Variants in RBM43 observed in about 807,000 individuals in gnomAD.
The protein encoded by RBM43 is RNA binding motif protein 43, also known as RNA-binding protein 43.
A neutral mutation model predicts 12.4 loss-of-function variants in RBM43; 12 were observed. That is an observed-to-expected ratio of 0.97 (90% CI 0.62 to 1.57). RBM43 has a LOEUF of 1.57. Among genes scored for constraint, RBM43 ranks in the 40% most tolerant of loss-of-function variants. The pLI is 0.00. For missense variants in RBM43, 348 were observed against 400.1 expected, an observed-to-expected ratio of 0.87 and a Z score of 1.11; for synonymous variants, 138 against 145.7, an observed-to-expected ratio of 0.95 and a Z score of 0.38.
In RBM43 at chr2:151,250,540, A is replaced by C. The variant is rs1471261594; in HGVS notation, c.*366T>G. The C allele has an allele frequency of 6.6e-6, 1 of 151,376 alleles. No individual in the cohort carries two copies. The highest frequency in any genetic ancestry group is 1.4e-5 in the Non-Finnish European group (1 of 71,080). The allele number at this position is 151,376 out of a possible 1,614,324, so 9.4% of individuals were successfully genotyped here. A position where few individuals can be genotyped will look rare whatever the true frequency, so the allele number is the denominator to read the frequency against. On this transcript the variant is annotated 3_prime_UTR_variant, in exon 4 of 4. Transcript: ENST00000331426. Reference sequence around the variant, plus strand: ...TGTGAACCCAGGAGGTGGACGTTGCAGTGAGCCGAGATCACGCCACTGCAC... The same window carrying C: ...TGTGAACCCAGGAGGTGGACGTTGCCGTGAGCCGAGATCACGCCACTGCAC...
intron 2 of RBM43, 52 bp from the exon 3 acceptor site, chr2:151,252,907 T>A: frequency 1.2e-6 from 1 of 834,142 alleles, no homozygotes. Context: ...ACACTAATAA[T>A]TTTTTAATAA....
chr2:151,257,969 T>C (rs1427554594), intron 1 of RBM43, among the ~76,000 whole-genome samples: 1 of 151,826 alleles, frequency 6.6e-6, no homozygotes, highest in Non-Finnish European at 1.5e-5. Context: ...CTCAGGAGGC[T>C]GAGGCAAGAG....
At chr2:151,256,410 T>C (rs1478385490) in intron 1 of RBM43, among the ~76,000 whole-genome samples, 1 of 152,202 alleles carries the variant, frequency 6.6e-6, no homozygotes, top group African/African-American at 2.4e-5. Context: ...CCACAAAATA[T>C]GGTATTTGGA....
chr2:151,251,432 T>C lies in RBM43; in HGVS notation c.548A>G (p.Glu183Gly). Residue 183 changes from glutamate to glycine, a missense_variant, in exon 4 of 4, where the codon GAG (glutamate) becomes GGG (glycine). Transcript: ENST00000331426. ...LLEKDRNFTS[E>G]ERKWNRQNPQ... Reference sequence around the variant, plus strand: ...ATTTTGTCTATTCCACTTTCTCTCCTCACTGGTAAAATTTCTGTCTTTTTC... The same window carrying C: ...ATTTTGTCTATTCCACTTTCTCTCCCCACTGGTAAAATTTCTGTCTTTTTC... 5.0e-6 allele frequency: 8 copies of C among 1,614,226 alleles called. No individual in the cohort carries two copies. The South Asian group carries it at 8.8e-5, about 18-fold the overall frequency.
Position 151,250,902 on chromosome 2 carries a change from T to A in RBM43, c.*4A>T. ...GCCCTTATGACTATATTGCTGAGAT[T>A]TTATTAACTAACCTTTTGCCCTATT... is the stretch of plus-strand genomic sequence containing the variant. On this transcript the variant is annotated 3_prime_UTR_variant, in exon 4 of 4. Transcript: ENST00000331426. 6.3e-7 allele frequency: 1 copy of A among 1,578,266 alleles called. No homozygotes were observed. Among genetic ancestry groups the A allele is most frequent in the Middle Eastern group, 2.0e-4 (1 of 4,996 alleles).
Position 151,250,923 on chromosome 2 carries a change from C to T in RBM43, c.1057G>A (p.Gly353Arg). 1 of 1,595,224 alleles carries T rather than the reference C, an allele frequency of 6.3e-7. No homozygotes were observed. The highest frequency in any genetic ancestry group is 1.1e-5 in the South Asian group (1 of 88,058). ...AGATTTTATTAACTAACCTTTTGCC[C>T]TATTAATTTCATGACCCCTTTTTTA... ...LFKKGVMKLI[G>R]QKVS Residue 353 changes from glycine to arginine, a missense_variant, in exon 4 of 4, where the codon GGG becomes AGG. Physicochemically the swap from Gly to Arg is moderately radical, Grantham distance 125. Coordinates refer to ENST00000331426, the MANE Select transcript of RBM43 (RefSeq NM_198557.3).
chr2:151,255,307 A>G (rs1228073143), intron 2 of RBM43, among the ~76,000 whole-genome samples: 1 of 151,818 alleles, frequency 6.6e-6, no homozygotes, highest in Non-Finnish European at 1.5e-5. Context: ...AATCCCAGCT[A>G]TTCAGGAGGC....
intron 1 of RBM43, among the ~76,000 whole-genome samples, chr2:151,259,638 CA>C (rs1309161560): frequency 2.0e-5 from 3 of 148,262 alleles, no homozygotes; most frequent in Non-Finnish European, 1.5e-5. Context: ...GACTCTGTCT[CA>C]AAAAAAATAA....
chr2:151,253,246 T>C (rs1682929518), intron 2 of RBM43, among the ~76,000 whole-genome samples: 1 of 152,180 alleles, frequency 6.6e-6, no homozygotes, highest in South Asian at 2.1e-4. Context: ...CTCTTCCCAT[T>C]CTCTAGATGT....
intron 1 of RBM43, among the ~76,000 whole-genome samples, chr2:151,259,062 G>A (rs1573735470): frequency 6.6e-6 from 1 of 151,264 alleles, no homozygotes; most frequent in South Asian, 2.1e-4. Context: ...AGAATGGCTT[G>A]AACCTGGGAG....
At chr2:151,253,261 G>A (rs576277023) in intron 2 of RBM43, among the ~76,000 whole-genome samples, 3 of 152,174 alleles carry the variant, frequency 2.0e-5, no homozygotes, top group South Asian at 2.1e-4. Flanking sequence ...AGATGTTGGC[G>A]AGACCTGGAC....
At chr2:151,255,411 G>A (rs1682957971) in intron 2 of RBM43, 122 bp downstream of exon 2, 2 of 590,686 alleles carry the variant, frequency 3.4e-6, no homozygotes, top group South Asian at 4.1e-5. Flanking sequence ...GAGTGAGACT[G>A]TGTCTCAAAA....
chr2:151,256,982 G>T (rs1447112705), intron 1 of RBM43, among the ~76,000 whole-genome samples: 1 of 152,198 alleles, frequency 6.6e-6, no homozygotes, highest in East Asian at 1.9e-4. Context: ...ACTGCAAGTA[G>T]ACCCTTTGTT....
In RBM43 at chr2:151,251,415, T is replaced by G; in HGVS notation, c.565A>C (p.Arg189=). Residue 189 remains arginine (R), a synonymous_variant, in exon 4 of 4, where the codon AGA becomes CGA. Coordinates refer to ENST00000331426, the MANE Select transcript of RBM43 (RefSeq NM_198557.3). ...TGTAGATTCCTCTGGGGATTTTGTCTATTCCACTTTCTCTCCTCACTGGTA... is the reference window on the plus strand; with the variant it reads ...TGTAGATTCCTCTGGGGATTTTGTCGATTCCACTTTCTCTCCTCACTGGTA... ...NFTSEERKWN[R]QNPQRNLQRS... 1 of 1,614,250 alleles carries G rather than the reference T, an allele frequency of 6.2e-7. No individual in the cohort carries two copies. The highest frequency in any genetic ancestry group is 8.5e-7 in the Non-Finnish European group (1 of 1,180,040).
intron 3 of RBM43, 117 bp from the exon 4 acceptor site, chr2:151,251,781 T>C (rs769854407): frequency 3.0e-6 from 3 of 993,658 alleles, no homozygotes; most frequent in African/African-American, 3.3e-5. Flanking sequence ...CAGGCCCCAG[T>C]TGCCTGCCCC....
rs1344340546 is a variant in RBM43 at position 151,249,722 on chromosome 2, A to C, written c.*1184T>G. Reference sequence around the variant, plus strand: ...AGAGAAAGTTCATTGGTATTAGTAAAGCCCTGGGGAGCTGGCAAGCTCCAA... The same window carrying C: ...AGAGAAAGTTCATTGGTATTAGTAACGCCCTGGGGAGCTGGCAAGCTCCAA... On this transcript the variant is annotated 3_prime_UTR_variant, in exon 4 of 4. Transcript: ENST00000331426. 1 of 152,156 alleles carries C rather than the reference A, an allele frequency of 6.6e-6. No homozygotes were observed. The highest frequency in any genetic ancestry group is 1.5e-5 in the Non-Finnish European group (1 of 68,032). The allele number at this position is 152,156 out of a possible 1,614,324, so 9.4% of individuals were successfully genotyped here. A position where few individuals can be genotyped will look rare whatever the true frequency, so the allele number is the denominator to read the frequency against.
chr2:151,261,596 G>C, intron 1 of RBM43, 129 bp downstream of exon 1: 1 of 1,537,096 alleles, frequency 6.5e-7, no homozygotes, highest in Non-Finnish European at 8.8e-7. Context: ...GGGCCCCTCC[G>C]TGCGCCGCCC....
intron 3 of RBM43, among the ~76,000 whole-genome samples, chr2:151,252,249 G>A (rs371807742): frequency 7.2e-5 from 11 of 152,156 alleles, no homozygotes; most frequent in Admixed American, 6.5e-5. Context: ...GAGGCTGGGC[G>A]TGGTGGCTCA....
At chr2:151,258,047 C>A (rs758574221) in intron 1 of RBM43, among the ~76,000 whole-genome samples, 1 of 148,962 alleles carries the variant, frequency 6.7e-6, no homozygotes, top group African/African-American at 2.5e-5. Flanking sequence ...CAGCCCTGGA[C>A]GACAAGAGCA....
Sources: allele counts gnomAD v4.1 joint callset (sites outside exome capture counted in the v4.1 genomes callset), GRCh38; gene constraint gnomAD v4.1.1; transcripts MANE v1.5; gene names NCBI Gene and HGNC (gene_info 2026-07-23, HGNC 2026-07-21).